Variants in FAR1 observed in about 807,000 individuals in gnomAD.
FAR1 encodes the protein male sterility domain-containing protein 2.
Under a neutral mutation model 61.1 loss-of-function variants are expected in FAR1, and 22 were observed. The ratio of observed to expected loss-of-function variants is 0.36; its 90% confidence interval spans 0.26 to 0.51. FAR1 has a LOEUF of 0.51. Among genes scored for constraint, FAR1 ranks in the 20% least tolerant of loss-of-function variants. The probability of loss-of-function intolerance (pLI) is 0.95; values close to 1 mark genes in which losing one functional copy is unlikely to be tolerated. For synonymous variants in FAR1, 206 were observed against 209.7 expected (o/e 0.98, Z 0.15); for missense variants, 359 against 626.9 (o/e 0.57, Z 4.56).
chr11:13,713,379 C>A lies in FAR1; in HGVS notation c.955+346C>A, dbSNP rs1848521679. 2.0e-5 allele frequency among the ~76,000 whole-genome samples: 3 copies of A among 151,744 alleles called. No individual in the cohort carries two copies. In the South Asian group the frequency reaches 6.2e-4, roughly 32 times the overall value. The stretch of plus-strand genomic sequence containing the variant: ...CACCCTCAGTCTTGATGTTGCCTAT[C>A]CATAGGCAGTATCACTTCTTACAAG... On this transcript the variant is annotated intron_variant, in intron 8 of 11. Transcript: ENST00000354817.
At chr11:13,703,291 G>A (rs1223692793) in intron 3 of FAR1, among the ~76,000 whole-genome samples, 4 of 152,074 alleles carry the variant, frequency 2.6e-5, no homozygotes, top group African/African-American at 2.4e-5. Flanking sequence ...TCAAGTGATC[G>A]TCCCACCTCA....
At chr11:13,704,456 A>G (rs1401975019) in intron 3 of FAR1, among the ~76,000 whole-genome samples, 3 of 152,180 alleles carry the variant, frequency 2.0e-5, no homozygotes, top group Non-Finnish European at 4.4e-5. Flanking sequence ...TTTAGAATGT[A>G]TTAAGAATCT....
chr11:13,710,707 G>T lies in FAR1; in HGVS notation c.560G>T (p.Gly187Val), dbSNP rs773907660. ...LIDSLEWMDD[G>V]LVNDITPKLI... is the part of the protein sequence containing the mutation. ...TTCTTTACCAGGTGGATGGATGATG[G>T]CCTAGTAAATGATATCACGCCAAAA... Residue 187 changes from glycine to valine, a missense_variant, in exon 5 of 12, where the codon GGC becomes GTC. Gly to Val is a moderately radical substitution (Grantham distance 109, BLOSUM62 -3). Coordinates refer to ENST00000354817, the MANE Select transcript of FAR1 (RefSeq NM_032228.6). 6 of 1,590,450 alleles carry T rather than the reference G, an allele frequency of 3.8e-6. No individual in the cohort carries two copies. The South Asian group carries it at 4.7e-5, about 12-fold the overall frequency.
intron 4 of FAR1, among the ~76,000 whole-genome samples, chr11:13,709,386 T>C (rs1017137313): frequency 2.6e-5 from 4 of 152,310 alleles, no homozygotes; most frequent in African/African-American, 9.6e-5. Context: ...ATTTAATATC[T>C]GCGGGAAAAG....
intron 1 of FAR1, among the ~76,000 whole-genome samples, chr11:13,675,997 A>T (rs752262145): frequency 2.0e-5 from 3 of 152,152 alleles, no homozygotes; most frequent in Non-Finnish European, 4.4e-5. Context: ...GTGCTATCTC[A>T]TCAGAAAAAT....
At chr11:13,703,052 T>C (rs1848394274) in intron 3 of FAR1, among the ~76,000 whole-genome samples, 1 of 152,256 alleles carries the variant, frequency 6.6e-6, no homozygotes, top group South Asian at 2.1e-4. Flanking sequence ...AAATTATTTC[T>C]GGGAAGCAAT....
At chr11:13,701,414 A>G (rs1005528429) in intron 3 of FAR1, among the ~76,000 whole-genome samples, 1 of 152,146 alleles carries the variant, frequency 6.6e-6, no homozygotes, top group African/African-American at 2.4e-5. Context: ...TGATATGTCA[A>G]TTTAAAAAAT....
intron 10 of FAR1, among the ~76,000 whole-genome samples, chr11:13,726,391 A>G (rs941754647): frequency 1.3e-5 from 2 of 152,034 alleles, no homozygotes; most frequent in Non-Finnish European, 2.9e-5. Flanking sequence ...AGATTGTCTC[A>G]GGTTTTATTC....
intron 5 of FAR1, 51 bp downstream of exon 5, chr11:13,710,921 G>A (rs745515720): frequency 6.7e-7 from 1 of 1,495,376 alleles, no homozygotes. Flanking sequence ...ATTTTAAGTT[G>A]TAACTCTGTA....
At position 13,721,197 on chromosome 11, in the gene FAR1, GTTGTT is replaced by G; in HGVS notation, c.1128-525_1128-521del. The G allele has an allele frequency of 6.6e-6, 1 of 152,184 alleles. No individual in the cohort carries two copies. Among genetic ancestry groups the G allele is most frequent in the Non-Finnish European group, 1.5e-5 (1 of 68,060 alleles). The allele number at this position is 152,184 out of a possible 1,614,324, so 9.4% of individuals were successfully genotyped here. ...TGGTGCCAATCATTGTTAAAGAAAAGTTGTTTTGTTTTTTTAAATGAATAGAGTTG... is the reference window on the plus strand; with the variant it reads ...TGGTGCCAATCATTGTTAAAGAAAAGTTGTTTTTTTAAATGAATAGAGTTG... On this transcript the variant is annotated intron_variant, in intron 9 of 11. Coordinates refer to ENST00000354817, the MANE Select transcript of FAR1 (RefSeq NM_032228.6). The surrounding 1 kb of genome is among the most constrained non-coding windows in gnomAD (Gnocchi z 4.2).
chr11:13,705,317 CAGTT>C (rs1429942285), intron 3 of FAR1, among the ~76,000 whole-genome samples: 2 of 152,026 alleles, frequency 1.3e-5, no homozygotes, highest in African/African-American at 4.8e-5. Context: ...AGGTAAAACA[CAGTT>C]AGGTTAACTA....
intron 3 of FAR1, among the ~76,000 whole-genome samples, chr11:13,706,109 CATT>C (rs1010760305): frequency 5.3e-5 from 8 of 151,910 alleles, no homozygotes; most frequent in Non-Finnish European, 8.8e-5. Context: ...CATTATTTTT[CATT>C]ATTATAAACA....
chr11:13,707,695 C>A (rs1233038979), intron 3 of FAR1, among the ~76,000 whole-genome samples: 4 of 152,096 alleles, frequency 2.6e-5, no homozygotes, highest in Non-Finnish European at 4.4e-5. Context: ...GGCTACAAGG[C>A]AGGTTATTTT....
intron 1 of FAR1, among the ~76,000 whole-genome samples, chr11:13,689,990 C>T (rs1479775821): frequency 6.6e-6 from 1 of 151,876 alleles, no homozygotes; most frequent in Non-Finnish European, 1.5e-5. Flanking sequence ...ATTCTCCTGC[C>T]TCAGCCTCCC....
chr11:13,713,179 C>T, intron 8 of FAR1, 146 bp downstream of exon 8: 1 of 713,184 alleles, frequency 1.4e-6, no homozygotes, highest in South Asian at 1.6e-5. Flanking sequence ...GTATTATCTA[C>T]CAATACTACC....
At chr11:13,712,471 G>A (rs1042020747) in intron 7 of FAR1, among the ~76,000 whole-genome samples, 8 of 151,906 alleles carry the variant, frequency 5.3e-5, no homozygotes, top group Admixed American at 4.6e-4. Flanking sequence ...GCATTTACAG[G>A]TAACACTTAA....
intron 1 of FAR1, among the ~76,000 whole-genome samples, chr11:13,682,098 A>G (rs1334020452): frequency 2.6e-5 from 4 of 152,186 alleles, no homozygotes; most frequent in African/African-American, 4.8e-5. Context: ...GAAAAAGGCT[A>G]TAGGTCATGT....
At chr11:13,689,813 A>AG (rs1008123909) in intron 1 of FAR1, among the ~76,000 whole-genome samples, 1 of 149,780 alleles carries the variant, frequency 6.7e-6, no homozygotes. Context: ...GGGATCACAT[A>AG]GGGGTTTTAA....
At chr11:13,690,599 C>T (rs1005466854) in intron 1 of FAR1, among the ~76,000 whole-genome samples, 1 of 152,144 alleles carries the variant, frequency 6.6e-6, no homozygotes, top group Admixed American at 6.5e-5. Flanking sequence ...ATTGACTCTG[C>T]ACCATTCTCT....
Sources: gnomAD v4.1 joint callset for allele counts (sites outside exome capture counted in the v4.1 genomes callset) on GRCh38, gnomAD v4.1.1 for gene constraint, Gnocchi (gnomAD v3.1) non-coding constraint, MANE v1.5 for transcripts, NCBI Gene and HGNC (gene_info 2026-07-23, HGNC 2026-07-21) for gene names.